The following ZBTB2 variants were observed in gnomAD, a reference collection of about 807,000 sequenced individuals.
ZBTB2 encodes zinc finger and BTB domain-containing protein 2.
ZBTB2 carries 2 observed loss-of-function variants against 39.5 expected under a neutral mutation model. That is an observed-to-expected ratio of 0.05 (90% CI 0.02 to 0.16). The LOEUF (loss-of-function observed/expected upper bound fraction) is 0.16, where lower values mean the gene tolerates loss of function less well. ZBTB2 is among the 10% of genes least tolerant of loss of function. The pLI is 1.00. For synonymous variants in ZBTB2, 251 were observed against 256.6 expected, an observed-to-expected ratio of 0.98 and a Z score of 0.21; for missense variants, 391 against 653.0, an observed-to-expected ratio of 0.60 and a Z score of 4.37.
At chr6:151,387,456 G>A (rs1400582332) in intron 1 of ZBTB2, among the ~76,000 whole-genome samples, 3 of 152,118 alleles carry the variant, frequency 2.0e-5, no homozygotes, top group Admixed American at 2.0e-4. Flanking sequence ...GGATCCTGGG[G>A]CTTCAAAAGG....
At chr6:151,381,522 A>G (rs1345145283) in intron 1 of ZBTB2, among the ~76,000 whole-genome samples, 3 of 151,970 alleles carry the variant, frequency 2.0e-5, no homozygotes, top group African/African-American at 7.2e-5. Context: ...CTCCATCTAA[A>G]AAAAATAAAA....
Position 151,365,314 on chromosome 6 carries a change from T to C in ZBTB2, c.*207A>G. The C allele has an allele frequency of 1.8e-6, 1 of 566,976 alleles. No homozygotes were observed. Among genetic ancestry groups the C allele is most frequent in the Non-Finnish European group, 3.0e-6 (1 of 330,432 alleles). The allele number at this position is 566,976 out of a possible 1,614,324, so 35.1% of individuals were successfully genotyped here. A position where few individuals can be genotyped will look rare whatever the true frequency, so the allele number is the denominator to read the frequency against. On this transcript the variant is annotated 3_prime_UTR_variant, in exon 3 of 3. Coordinates refer to ENST00000325144, the MANE Select transcript of ZBTB2 (RefSeq NM_020861.3). This position sits in a 1 kb window ranked among gnomAD's most constrained non-coding sequence, Gnocchi z 5.6. ...AGTATAATGACCATTATCTTTCCAA[T>C]ATCCCCTGAAAGAAAGTCGATACAT...
intron 1 of ZBTB2, among the ~76,000 whole-genome samples, chr6:151,376,047 TACTGACAAAGGCACA>T (rs1778901922): frequency 6.6e-6 from 1 of 152,162 alleles, no homozygotes; most frequent in Non-Finnish European, 1.5e-5. Context: ...CACAACTGAT[TACTGACAAAGGCACA>T]AAAGCAATTC....
In ZBTB2 at chr6:151,365,506, A is replaced by G; in HGVS notation, c.*15T>C. The G allele has an allele frequency of 6.3e-7, 1 of 1,575,032 alleles. No individual in the cohort carries two copies. The highest frequency in any genetic ancestry group is 8.6e-7 in the Non-Finnish European group (1 of 1,163,510). ...CTTTGTAAAAATGAGAGTTTTTTAA[A>G]AAGATAAGTGACATTCAGTCTAGTA... On this transcript the variant is annotated 3_prime_UTR_variant, in exon 3 of 3. Transcript: ENST00000325144. This position sits in a 1 kb window ranked among gnomAD's most constrained non-coding sequence, Gnocchi z 5.6.
chr6:151,373,377 T>TAG, intron 2 of ZBTB2, 88 bp downstream of exon 2: 2 of 1,460,178 alleles, frequency 1.4e-6, no homozygotes, highest in Non-Finnish European at 1.9e-6. Context: ...CTAGGAGACG[T>TAG]AGAGAGACCC....
At position 151,366,542 on chromosome 6, in the gene ZBTB2, G is replaced by A. The variant is rs1427224310; in HGVS notation, c.524C>T (p.Ser175Leu). 1 of 1,614,144 alleles carries A rather than the reference G, an allele frequency of 6.2e-7. No homozygotes were observed. Among genetic ancestry groups the A allele is most frequent in the Admixed American group, 1.7e-5 (1 of 60,012 alleles). Residue 175 changes from serine to leucine, a missense_variant, in exon 3 of 3, where the codon TCA becomes TTA. By Grantham distance (145) the Ser-to-Leu change is moderately radical (BLOSUM62 -2). Around this residue, in one of 7 missense-constraint regions of ZBTB2, gnomAD observed 175 missense variants for 198.6 expected, o/e 0.88. Coordinates refer to ENST00000325144, the MANE Select transcript of ZBTB2 (RefSeq NM_020861.3). The surrounding 1 kb of genome is among the most constrained non-coding windows in gnomAD (Gnocchi z 7.1). ...ATTTGAAGTCAGCTGGGAGAGCTGT[G>A]AGGCCTCAGGGACCTGCTCCTGGCT... ...RISQEQVPEA[S>L]QLSQLTSNLA...
At chr6:151,384,123 A>T (rs1396566946) in intron 1 of ZBTB2, among the ~76,000 whole-genome samples, 1 of 152,212 alleles carries the variant, frequency 6.6e-6, no homozygotes, top group African/African-American at 2.4e-5. Context: ...TAATTTTTCC[A>T]TTTAAAAATA....
At chr6:151,380,840 T>C (rs1429947261) in intron 1 of ZBTB2, among the ~76,000 whole-genome samples, 2 of 152,212 alleles carry the variant, frequency 1.3e-5, no homozygotes, top group South Asian at 2.1e-4. Context: ...TCTCTTTCAC[T>C]TCTCCTTGGC....
At chr6:151,389,292 C>T (rs1160380094) in intron 1 of ZBTB2, among the ~76,000 whole-genome samples, 1 of 152,096 alleles carries the variant, frequency 6.6e-6, no homozygotes, top group Non-Finnish European at 1.5e-5. Flanking sequence ...AAAAAAATGA[C>T]CTTTTAACAG....
At chr6:151,380,533 T>C (rs547211032) in intron 1 of ZBTB2, among the ~76,000 whole-genome samples, 32 of 152,308 alleles carry the variant, frequency 2.1e-4, no homozygotes, top group Admixed American at 3.3e-4. Flanking sequence ...TTTGTGGGAA[T>C]GGCTGTCTGC....
At chr6:151,386,414 G>C (rs1029119924) in intron 1 of ZBTB2, among the ~76,000 whole-genome samples, 3 of 152,144 alleles carry the variant, frequency 2.0e-5, no homozygotes, top group Non-Finnish European at 4.4e-5. Context: ...ATGTGCCCAT[G>C]GTCCCAGCTA....
In ZBTB2 at chr6:151,366,734, G is replaced by A; in HGVS notation, c.332C>T (p.Ala111Val). 6.2e-7 allele frequency: 1 copy of A among 1,614,140 alleles called. No homozygotes were observed. The highest frequency in any genetic ancestry group is 8.5e-7 in the Non-Finnish European group (1 of 1,180,028). Residue 111 changes from alanine (A) to valine (V), a missense_variant, in exon 3 of 3, where the codon GCC becomes GTC. By Grantham distance (64) the Ala-to-Val change is moderately conservative. Around this residue, in one of 7 missense-constraint regions of ZBTB2, gnomAD observed 175 missense variants for 198.6 expected, o/e 0.88. Transcript: ENST00000325144. The surrounding 1 kb of genome is among the most constrained non-coding windows in gnomAD (Gnocchi z 7.1). ...AAAGGCTCCCTGGCTGGCGAGGCTG[G>A]CTTCCTGAATGAGCGGGTAGGCGTG... is the stretch of plus-strand genomic sequence containing the variant. ...FLHAYPLIQE[A>V]SLASQGAFSH...
intron 1 of ZBTB2, among the ~76,000 whole-genome samples, chr6:151,374,909 A>G (rs1311600486): frequency 2.1e-5 from 3 of 143,496 alleles, no homozygotes; most frequent in Admixed American, 7.1e-5. Context: ...CCTGGCCAAC[A>G]TGGTGAAACC....
At chr6:151,370,138 A>AT (rs1248685247) in intron 2 of ZBTB2, 346 of 951,158 alleles carry the variant, frequency 3.6e-4, no homozygotes, top group Admixed American at 6.2e-4. Flanking sequence ...TTGACATAAC[A>AT]TTTTTTTTTG....
chr6:151,368,931 T>C (rs1388108189), intron 2 of ZBTB2, among the ~76,000 whole-genome samples: 1 of 151,454 alleles, frequency 6.6e-6, no homozygotes, highest in Non-Finnish European at 1.5e-5. Context: ...AGCTAATTTT[T>C]GTATTTTTTT....
At chr6:151,373,370 G>C (rs778327404) in intron 2 of ZBTB2, 95 bp downstream of exon 2, 7 of 1,387,038 alleles carry the variant, frequency 5.0e-6, no homozygotes, top group Non-Finnish European at 7.0e-6. Flanking sequence ...CTAGGAGCTA[G>C]GAGACGTAGA....
intron 2 of ZBTB2, among the ~76,000 whole-genome samples, chr6:151,369,618 G>A (rs1175516735): frequency 2.0e-5 from 3 of 151,960 alleles, no homozygotes; most frequent in Non-Finnish European, 4.4e-5. Context: ...ACCACTGCAC[G>A]CAGCCTTAAA....
intron 2 of ZBTB2, chr6:151,370,076 A>G: frequency 1.0e-6 from 1 of 973,604 alleles, no homozygotes; most frequent in Non-Finnish European, 1.2e-6. Context: ...GTCCTGTGGA[A>G]AGGACATAGT....
intron 1 of ZBTB2, among the ~76,000 whole-genome samples, chr6:151,390,580 A>AGC (rs1438514977): frequency 6.7e-6 from 1 of 149,612 alleles, no homozygotes; most frequent in Non-Finnish European, 1.5e-5. Context: ...GAGAGGGATG[A>AGC]GCGCGCGCGA....
Sources: allele counts gnomAD v4.1 joint callset (sites outside exome capture counted in the v4.1 genomes callset), GRCh38; gene constraint gnomAD v4.1.1; regional missense constraint gnomAD v4.1.1; non-coding constraint Gnocchi (gnomAD v3.1); transcripts MANE v1.5; gene names NCBI Gene and HGNC (gene_info 2026-07-23, HGNC 2026-07-21).